Variants in SNX8 observed in about 807,000 individuals in gnomAD.
SNX8 encodes sorting nexin 8.
SNX8 carries 25 observed loss-of-function variants against 51.6 expected under a neutral mutation model. The observed-to-expected ratio is 0.48, with a 90% CI of 0.35 to 0.68. The LOEUF (loss-of-function observed/expected upper bound fraction) is 0.68. Ranked by LOEUF, SNX8 falls within the 30% of genes least tolerant of loss-of-function variation. The pLI is 0.00. For synonymous variants in SNX8, 324 were observed against 277.0 expected (o/e 1.17, Z -1.68); for missense variants, 695 against 624.0 (o/e 1.11, Z -1.21).
chr7:2,304,159 T>A (rs1248268773), intron 1 of SNX8, among the ~76,000 whole-genome samples: 2 of 137,404 alleles, frequency 1.5e-5, no homozygotes, highest in African/African-American at 5.5e-5. Context: ...AGAGCGAGAC[T>A]CCGTCTCAAA....
At chr7:2,336,512 G>A (rs957473279) in intron 1 of SNX8, among the ~76,000 whole-genome samples, 1 of 151,940 alleles carries the variant, frequency 6.6e-6, no homozygotes, top group Admixed American at 6.6e-5. Flanking sequence ...TTTGAAACCA[G>A]CCTGCCTAAC....
intron 1 of SNX8, among the ~76,000 whole-genome samples, chr7:2,295,660 T>C (rs1330370762): frequency 6.6e-6 from 1 of 151,816 alleles, no homozygotes; most frequent in Non-Finnish European, 1.5e-5. Context: ...GGGCATAAAT[T>C]CTTTGCCTTG....
chr7:2,335,680 G>A (rs922466026), intron 1 of SNX8, among the ~76,000 whole-genome samples: 4 of 151,920 alleles, frequency 2.6e-5, no homozygotes, highest in African/African-American at 7.3e-5. Flanking sequence ...GCAGGCGCCT[G>A]TAGTCCCAGC....
At chr7:2,286,488 T>A (rs1185000477) in intron 1 of SNX8, among the ~76,000 whole-genome samples, 1 of 151,928 alleles carries the variant, frequency 6.6e-6, no homozygotes, top group Non-Finnish European at 1.5e-5. Context: ...TCCATGTGCA[T>A]AAAGCTGTAA....
chr7:2,349,298 G>A (rs1779095532), intron 1 of SNX8, among the ~76,000 whole-genome samples: 1 of 151,994 alleles, frequency 6.6e-6, no homozygotes, highest in Non-Finnish European at 1.5e-5. Flanking sequence ...TAAAGCATAT[G>A]GTATATTGGC....
At chr7:2,321,533 TCTC>T (rs1343940026) in intron 1 of SNX8, among the ~76,000 whole-genome samples, 1 of 150,068 alleles carries the variant, frequency 6.7e-6, no homozygotes, top group Non-Finnish European at 1.5e-5. Flanking sequence ...TTCATGCCAT[TCTC>T]CTGCCTCAGC....
intron 1 of SNX8, among the ~76,000 whole-genome samples, chr7:2,304,342 A>T (rs956372112): frequency 2.0e-5 from 3 of 151,548 alleles, no homozygotes; most frequent in Non-Finnish European, 2.9e-5. Flanking sequence ...CAGGAGATAG[A>T]GACCATCCTG....
intron 7 of SNX8, among the ~76,000 whole-genome samples, chr7:2,259,093 G>A (rs547273121): frequency 2.0e-5 from 3 of 152,288 alleles, no homozygotes; most frequent in East Asian, 1.9e-4. Flanking sequence ...ATGAAGAGTC[G>A]GTCCAAAGCC....
intron 1 of SNX8, among the ~76,000 whole-genome samples, chr7:2,328,238 G>A (rs115749841): frequency 0.035 from 5,324 of 152,092 alleles, 214 homozygotes; most frequent in African/African-American, 0.085. Flanking sequence ...TTTTAGTAGA[G>A]ACAGGGGTTT....
At chr7:2,332,742 AAAAG>A (rs1427846179) in intron 1 of SNX8, among the ~76,000 whole-genome samples, 1 of 111,158 alleles carries the variant, frequency 9.0e-6, no homozygotes, top group East Asian at 2.6e-4. Flanking sequence ...AGAGAGAGAG[AAAAG>A]GAAGGAAGGA....
intron 1 of SNX8, among the ~76,000 whole-genome samples, chr7:2,305,508 C>T (rs1796525519): frequency 6.6e-6 from 1 of 151,986 alleles, no homozygotes; most frequent in Non-Finnish European, 1.5e-5. Context: ...GGATTACAGG[C>T]ACCCGCCACC....
chr7:2,292,951 T>A (rs1230906937), intron 1 of SNX8, among the ~76,000 whole-genome samples: 3 of 151,952 alleles, frequency 2.0e-5, no homozygotes, highest in African/African-American at 7.2e-5. Context: ...TGAGCCCAGG[T>A]TGAGGCTGCA....
intron 1 of SNX8, among the ~76,000 whole-genome samples, chr7:2,303,249 C>A (rs1424768659): frequency 1.7e-4 from 24 of 143,476 alleles, no homozygotes; most frequent in African/African-American, 5.8e-4. Context: ...GTCAGCCCCC[C>A]GCCCGGCCAG....
intron 5 of SNX8, among the ~76,000 whole-genome samples, chr7:2,267,426 G>A (rs1795494990): frequency 7.5e-6 from 1 of 134,196 alleles, no homozygotes; most frequent in Non-Finnish European, 1.6e-5. Flanking sequence ...CTCCCTGCCT[G>A]ATTCTCCTGC....
At chr7:2,318,228 G>A (rs1050828410), upstream of SNX8, among the ~76,000 whole-genome samples, 1 of 151,990 alleles carries the variant, frequency 6.6e-6, no homozygotes. Flanking sequence ...CGTATTTTTG[G>A]TCTCAAACTA....
At chr7:2,292,690 C>T (rs910218534) in intron 1 of SNX8, among the ~76,000 whole-genome samples, 47 of 152,132 alleles carry the variant, frequency 3.1e-4, no homozygotes, top group African/African-American at 1.1e-3. Context: ...GGATTACAGG[C>T]GTGAGCCACT....
At chr7:2,257,873 C>T (rs1229672691) in intron 7 of SNX8, 70 bp from the exon 8 acceptor site, 3 of 1,440,876 alleles carry the variant, frequency 2.1e-6, no homozygotes, top group Admixed American at 1.7e-5. Flanking sequence ...GAACTCAGAC[C>T]CAAGCCTGGC....
rs540353914 is a variant in SNX8, at chr7:2,284,257, A to C, written c.95-5952T>G. On this transcript the variant is annotated intron_variant, in intron 1 of 10. Transcript: ENST00000222990. ...GAATCTGCATTTCTAACAAGTTCCCAGATGCTGCTTCTGGTCAGGGGCCAC... is the reference window on the plus strand; with the variant it reads ...GAATCTGCATTTCTAACAAGTTCCCCGATGCTGCTTCTGGTCAGGGGCCAC... Among the ~76,000 whole-genome samples the C allele has an allele frequency of 2.4e-3, 372 of 152,010 alleles. 1 individual carries two copies. The highest frequency in any genetic ancestry group is 8.8e-3 in the African/African-American group (365 of 41,474).
intron 1 of SNX8, among the ~76,000 whole-genome samples, chr7:2,330,083 G>A (rs573709566): frequency 2.0e-5 from 3 of 149,970 alleles, no homozygotes; most frequent in South Asian, 4.3e-4. Flanking sequence ...AGACCACCTC[G>A]GCCTCCCAAA....
Sources: gnomAD v4.1 joint callset for allele counts (sites outside exome capture counted in the v4.1 genomes callset) on GRCh38, gnomAD v4.1.1 for gene constraint, MANE v1.5 for transcripts, NCBI Gene and HGNC (gene_info 2026-07-23, HGNC 2026-07-21) for gene names.